Variants in USP15 observed in about 807,000 individuals in gnomAD.
The protein encoded by USP15 is ubiquitin carboxyl-terminal hydrolase 15.
A neutral mutation model predicts 127.1 loss-of-function variants in USP15; 18 were observed. That is an observed-to-expected ratio of 0.14 (90% CI 0.10 to 0.21). USP15 has a LOEUF of 0.21. Ranked by LOEUF, USP15 falls within the 10% of genes least tolerant of loss-of-function variation. USP15 has a pLI of 1.00. For synonymous variants in USP15, 364 were observed against 393.7 expected, an observed-to-expected ratio of 0.92 and a Z score of 0.89; for missense variants, 805 against 1,159.9, an observed-to-expected ratio of 0.69 and a Z score of 4.44.
chr12:62,345,063 CGGTACTTT>C (rs1565873649), intron 6 of USP15, among the ~76,000 whole-genome samples: 1 of 152,054 alleles, frequency 6.6e-6, no homozygotes, highest in East Asian at 1.9e-4. Flanking sequence ...TTTGGCTGCT[CGGTACTTT>C]TGCCGGCTTG....
intron 6 of USP15, among the ~76,000 whole-genome samples, chr12:62,332,194 CTG>C (rs1237346218): frequency 6.6e-6 from 1 of 150,956 alleles, no homozygotes; most frequent in Non-Finnish European, 1.5e-5. Context: ...AGTTTTCTAA[CTG>C]AATTTTTCTA....
At chr12:62,400,371 A>G (rs190424939) in intron 20 of USP15, among the ~76,000 whole-genome samples, 12 of 152,268 alleles carry the variant, frequency 7.9e-5, no homozygotes, top group African/African-American at 2.6e-4. Flanking sequence ...ATCCTCTCAT[A>G]TACTTGTATG....
chr12:62,374,810 C>G (rs1209337481), intron 8 of USP15, among the ~76,000 whole-genome samples: 1 of 151,954 alleles, frequency 6.6e-6, no homozygotes, highest in African/African-American at 2.4e-5. Context: ...AATGGAAGAG[C>G]AATAGAATTT....
chr12:62,284,055 C>G (rs1401537599), intron 1 of USP15, among the ~76,000 whole-genome samples: 2 of 152,022 alleles, frequency 1.3e-5, no homozygotes, highest in Non-Finnish European at 2.9e-5. Flanking sequence ...TTTCTAGGAA[C>G]GAATTTAGCA....
At chr12:62,378,836 C>G (rs1592699823) in intron 8 of USP15, among the ~76,000 whole-genome samples, 1 of 151,892 alleles carries the variant, frequency 6.6e-6, no homozygotes, top group South Asian at 2.1e-4. Context: ...TTTATTGAAC[C>G]CTCTATGCCA....
intron 8 of USP15, among the ~76,000 whole-genome samples, chr12:62,365,934 C>T (rs1197228919): frequency 6.6e-6 from 1 of 152,182 alleles, no homozygotes; most frequent in Non-Finnish European, 1.5e-5. Context: ...GTACCAGTAC[C>T]ATGCTGTTTT....
At position 62,260,486 on chromosome 12, in the gene USP15, C is replaced by G; in HGVS notation, c.72C>G (p.Leu24=). The G allele has an allele frequency of 1.9e-6, 3 of 1,551,558 alleles. No homozygotes were observed. The highest frequency in any genetic ancestry group is 2.6e-6 in the Non-Finnish European group (3 of 1,147,236). ...SDIATLLKTS[L]RKGDTWYLVD... ...TCGCGACGCTGCTCAAAACCTCGCT[C>G]CGGAAAGGGGACACCTGGTAAGAGA... is the stretch of plus-strand genomic sequence containing the variant. The change falls in exon 1 of 22, where the codon CTC becomes CTG. Residue 24 remains leucine (L), a synonymous_variant. Coordinates refer to ENST00000280377, the MANE Select transcript of USP15 (RefSeq NM_001252078.2).
At chr12:62,271,613 G>A (rs999294473) in intron 1 of USP15, among the ~76,000 whole-genome samples, 13 of 151,744 alleles carry the variant, frequency 8.6e-5, no homozygotes, top group Non-Finnish European at 1.5e-4. Context: ...GTGTAGAAAA[G>A]TTACACAGAG....
chr12:62,299,943 G>A (rs1326095447), intron 2 of USP15, among the ~76,000 whole-genome samples: 1 of 151,942 alleles, frequency 6.6e-6, no homozygotes, highest in East Asian at 1.9e-4. Context: ...TTGTGTGCTT[G>A]TTATATATCT....
intron 6 of USP15, chr12:62,327,768 T>C (rs543145240): frequency 2.5e-5 from 9 of 366,238 alleles, no homozygotes; most frequent in Admixed American, 4.1e-5. Flanking sequence ...GCAATAAATA[T>C]TGGTGAATAC....
At chr12:62,366,234 G>A (rs933336118) in intron 8 of USP15, among the ~76,000 whole-genome samples, 3 of 152,096 alleles carry the variant, frequency 2.0e-5, no homozygotes, top group African/African-American at 7.2e-5. Flanking sequence ...CTTGAGCAGT[G>A]GTTTGTAGTT....
In USP15 at chr12:62,368,316, C is replaced by CT. The variant is rs1430764391; in HGVS notation, c.915+12842dup. ...TTGGGGTGGAGAGTTCTGTAAATGTCTATTAGGTCTGCTTCGTCCAGAGCT... is the reference window on the plus strand; with the variant it reads ...TTGGGGTGGAGAGTTCTGTAAATGTCTTATTAGGTCTGCTTCGTCCAGAGCT... On this transcript the variant is annotated intron_variant, in intron 8 of 21. Coordinates refer to ENST00000280377, the MANE Select transcript of USP15 (RefSeq NM_001252078.2). 2.6e-5 allele frequency among the ~76,000 whole-genome samples: 4 copies of CT among 152,264 alleles called. No individual in the cohort carries two copies. The East Asian group carries it at 7.7e-4, about 29-fold the overall frequency.
intron 8 of USP15, among the ~76,000 whole-genome samples, chr12:62,357,266 T>A (rs539347898): frequency 6.6e-6 from 1 of 152,164 alleles, no homozygotes; most frequent in Admixed American, 6.5e-5. Context: ...ATACATCTGT[T>A]TAGTATTGTC....
At chr12:62,359,438 G>C (rs536205657) in intron 8 of USP15, among the ~76,000 whole-genome samples, 1 of 152,172 alleles carries the variant, frequency 6.6e-6, no homozygotes, top group African/African-American at 2.4e-5. Flanking sequence ...TAGGAGTTTT[G>C]TAAGGGTTAC....
intron 6 of USP15, chr12:62,335,921 T>C: frequency 2.0e-6 from 2 of 985,454 alleles, no homozygotes; most frequent in Non-Finnish European, 2.4e-6. Context: ...TTTGCCTCTC[T>C]GACCAGTCCT....
intron 1 of USP15, among the ~76,000 whole-genome samples, chr12:62,287,134 A>G (rs1467870109): frequency 6.6e-6 from 1 of 152,044 alleles, no homozygotes; most frequent in Non-Finnish European, 1.5e-5. Flanking sequence ...ACACGAACAC[A>G]AAATTGAGAA....
chr12:62,343,668 G>C (rs569949258), intron 6 of USP15, among the ~76,000 whole-genome samples: 6 of 152,276 alleles, frequency 3.9e-5, no homozygotes, highest in African/African-American at 1.4e-4. Flanking sequence ...CCAACTCCTT[G>C]CACTTCCCTG....
chr12:62,349,575 A>G (rs2065910814), intron 7 of USP15, among the ~76,000 whole-genome samples: 1 of 152,070 alleles, frequency 6.6e-6, no homozygotes, highest in Non-Finnish European at 1.5e-5. Context: ...AGTTTGTTAG[A>G]ACACAACTTT....
rs1159633977 is a variant in USP15 at position 62,355,386 on chromosome 12, T to G, written c.826T>G (p.Tyr276Asp). 6.2e-7 allele frequency: 1 copy of G among 1,611,684 alleles called. No homozygotes were observed. Among genetic ancestry groups the G allele is most frequent in the Non-Finnish European group, 8.5e-7 (1 of 1,178,572 alleles). The change falls in exon 8 of 22, where the codon TAT (tyrosine) becomes GAT (aspartate). Residue 276 changes from tyrosine (Y) to aspartate (D), a missense_variant. Transcript: ENST00000280377. The stretch of plus-strand genomic sequence containing the variant: ...ATATACCGCTTATAAGAACTATGAT[T>G]ATTCGGAACCTGGAAGAAACAATGA... ...PSYTAYKNYD[Y>D]SEPGRNNEQP...
Sources: allele counts gnomAD v4.1 joint callset (sites outside exome capture counted in the v4.1 genomes callset), GRCh38; gene constraint gnomAD v4.1.1; transcripts MANE v1.5; gene names NCBI Gene and HGNC (gene_info 2026-07-23, HGNC 2026-07-21).